The following PDXDC1 variants were observed in gnomAD, a reference collection of about 807,000 sequenced individuals.
PDXDC1 encodes pyridoxal dependent decarboxylase domain containing 1, also known as pyridoxal-dependent decarboxylase domain-containing protein 1.
In PDXDC1, 42 loss-of-function variants were observed where a neutral mutation model predicts 100.1. That is an observed-to-expected ratio of 0.42 (90% CI 0.33 to 0.54). The LOEUF (loss-of-function observed/expected upper bound fraction) is 0.54. Ranked by LOEUF, PDXDC1 falls within the 20% of genes least tolerant of loss-of-function variation. The pLI, the probability that PDXDC1 is intolerant of heterozygous loss-of-function variation, is 0.10. For missense variants in PDXDC1, 636 were observed against 979.2 expected, an observed-to-expected ratio of 0.65 and a Z score of 4.68; for synonymous variants, 260 against 371.7, an observed-to-expected ratio of 0.70 and a Z score of 3.46.
At chr16:15,111,145 C>T (rs2047038567) in intron 16 of PDXDC1, among the ~76,000 whole-genome samples, 1 of 148,730 alleles carries the variant, frequency 6.7e-6, no homozygotes, top group Non-Finnish European at 1.5e-5. Context: ...CACACACACA[C>T]ACACACACAC....
chr16:15,132,284 G>C (rs1313411967), intron 16 of PDXDC1, among the ~76,000 whole-genome samples: 1 of 32,408 alleles, frequency 3.1e-5, no homozygotes, highest in African/African-American at 1.3e-4. Flanking sequence ...GGAAGTGAGG[G>C]GAAGGTCTAG....
chr16:15,088,363 A>G (rs1368352491), intron 16 of PDXDC1, among the ~76,000 whole-genome samples: 1 of 151,698 alleles, frequency 6.6e-6, no homozygotes, highest in Non-Finnish European at 1.5e-5. Flanking sequence ...GATGCTCGGG[A>G]GCCTGAGGTG....
intron 1 of PDXDC1, among the ~76,000 whole-genome samples, chr16:14,991,259 A>G (rs1251277961): frequency 6.6e-6 from 1 of 150,414 alleles, no homozygotes; most frequent in Non-Finnish European, 1.5e-5. Flanking sequence ...TTATATATGT[A>G]TATAGATATG....
rs888046141 is a variant in PDXDC1 at position 15,037,780 on chromosome 16, T to C, written c.*1505T>C. The C allele has an allele frequency of 1.3e-5, 5 of 389,212 alleles. No individual in the cohort carries two copies. The highest frequency in any genetic ancestry group is 8.3e-5 in the African/African-American group (4 of 48,340). 24.1% of individuals were successfully genotyped at this position (389,212 alleles called of 1,614,324 possible). On this transcript the variant is annotated 3_prime_UTR_variant, in exon 23 of 23. Coordinates refer to ENST00000396410, the MANE Select transcript of PDXDC1 (RefSeq NM_015027.4). ...GACCAGTGAGAGGTAGGTTCTCCTC[T>C]GCCCGTTATTACCGACCAAAAAAAA...
At chr16:15,093,002 G>C (rs564872221) in intron 16 of PDXDC1, among the ~76,000 whole-genome samples, 1 of 151,822 alleles carries the variant, frequency 6.6e-6, no homozygotes, top group Non-Finnish European at 1.5e-5. Flanking sequence ...AAATCTCTAC[G>C]TGGCTGGATT....
intron 16 of PDXDC1, among the ~76,000 whole-genome samples, chr16:15,089,414 C>G (rs1347176491): frequency 6.6e-6 from 1 of 152,078 alleles, no homozygotes; most frequent in African/African-American, 2.4e-5. Context: ...GGAGATCACA[C>G]AGAAGAATCA....
intron 6 of PDXDC1, among the ~76,000 whole-genome samples, chr16:15,008,407 T>G (rs1365364038): frequency 6.6e-6 from 1 of 152,290 alleles, no homozygotes; most frequent in Non-Finnish European, 1.5e-5. Flanking sequence ...TGCCTTTAGC[T>G]GGTGTTATTT....
rs866653947 is a variant in PDXDC1, at chr16:15,065,192, C to G, written c.1399+35136C>G. The G allele has an allele frequency of 2.5e-6, 4 of 1,569,888 alleles. No individual in the cohort carries two copies. In the African/African-American group the frequency reaches 5.5e-5, roughly 22 times the overall value. Reference sequence around the variant, plus strand: ...AAAAAAAAAAAAAAATCCACCTCCTCCAGCGTCAATGTTTAAAAGTACCTA... The same window carrying G: ...AAAAAAAAAAAAAAATCCACCTCCTGCAGCGTCAATGTTTAAAAGTACCTA... On this transcript the variant is annotated intron_variant, in intron 16 of 16. Coordinates refer to the PDXDC1 transcript ENST00000535621.
intron 16 of PDXDC1, 25 bp downstream of exon 16, chr16:15,030,081 C>G: frequency 1.3e-6 from 2 of 1,547,044 alleles, no homozygotes; most frequent in Admixed American, 2.0e-5. Flanking sequence ...GTGGACATCC[C>G]TTGCTTTTGT....
At chr16:15,071,046 T>C (rs2045203459) in intron 16 of PDXDC1, 1 of 1,331,404 alleles carries the variant, frequency 7.5e-7, no homozygotes, top group African/African-American at 1.5e-5. Flanking sequence ...ATGGGAGATA[T>C]TTCTGACTTG....
chr16:15,002,776 G>C (rs1973436189), intron 4 of PDXDC1, among the ~76,000 whole-genome samples: 1 of 152,206 alleles, frequency 6.6e-6, no homozygotes, highest in Non-Finnish European at 1.5e-5. Flanking sequence ...CAATGTATGA[G>C]AGTACTTTAT....
downstream of PDXDC1, among the ~76,000 whole-genome samples, chr16:15,139,894 G>C (rs959299532): frequency 6.6e-6 from 1 of 152,030 alleles, no homozygotes; most frequent in Admixed American, 6.6e-5. Context: ...TCAAGAGATC[G>C]AGACCATCCT....
intron 3 of PDXDC1, among the ~76,000 whole-genome samples, chr16:15,000,172 C>T (rs575635810): frequency 2.3e-4 from 35 of 152,284 alleles, no homozygotes; most frequent in Middle Eastern, 3.2e-3. Flanking sequence ...CCTAATTCCA[C>T]GGAAGTTTTC....
intron 16 of PDXDC1, among the ~76,000 whole-genome samples, chr16:15,089,497 T>C (rs1351851604): frequency 1.3e-5 from 2 of 151,750 alleles, no homozygotes; most frequent in African/African-American, 2.4e-5. Flanking sequence ...TATCAAGAAA[T>C]ACTAGCGATT....
At chr16:15,097,316 G>A (rs560249134) in intron 16 of PDXDC1, among the ~76,000 whole-genome samples, 5 of 151,402 alleles carry the variant, frequency 3.3e-5, no homozygotes, top group African/African-American at 1.2e-4. Context: ...AAAATAATAT[G>A]TTAATGTAAG....
intron 14 of PDXDC1, among the ~76,000 whole-genome samples, chr16:15,028,154 C>G (rs1352578595): frequency 6.6e-6 from 1 of 152,410 alleles, no homozygotes; most frequent in African/African-American, 2.4e-5. Context: ...CACTCTCCCT[C>G]TTGTTCGTTG....
intron 16 of PDXDC1, among the ~76,000 whole-genome samples, chr16:15,088,402 G>A (rs1338290958): frequency 2.6e-5 from 4 of 152,104 alleles, no homozygotes; most frequent in Admixed American, 6.5e-5. Context: ...GGGAGGTTGA[G>A]GCTGCAGTGA....
At chr16:15,040,219 A>T (rs965927590), downstream of PDXDC1, 1 of 446,754 alleles carries the variant, frequency 2.2e-6, no homozygotes, top group Non-Finnish European at 4.0e-6. Context: ...CTGGAGGGGG[A>T]AAATGCAACC....
At chr16:15,084,585 A>G (rs2045839751) in intron 16 of PDXDC1, 1 of 1,213,406 alleles carries the variant, frequency 8.2e-7, no homozygotes, top group East Asian at 2.5e-5. Flanking sequence ...AATTTTTACT[A>G]ATTGATTACA....
Sources: gnomAD v4.1 joint callset for allele counts (sites outside exome capture counted in the v4.1 genomes callset) on GRCh38, gnomAD v4.1.1 for gene constraint, MANE v1.5 for transcripts, NCBI Gene and HGNC (gene_info 2026-07-23, HGNC 2026-07-21) for gene names.